Variants in ELAPOR2 observed in about 807,000 individuals in gnomAD.
ELAPOR2 encodes endosome/lysosome-associated apoptosis and autophagy regulator family member 2.
A neutral mutation model predicts 120.7 loss-of-function variants in ELAPOR2; 89 were observed. That is an observed-to-expected ratio of 0.74 (90% CI 0.62 to 0.88). ELAPOR2 has a LOEUF of 0.88. Among genes scored for constraint, ELAPOR2 ranks in the 40% least tolerant of loss-of-function variants. The probability of loss-of-function intolerance (pLI) is 0.00; values close to 1 mark genes in which losing one functional copy is unlikely to be tolerated. For missense variants in ELAPOR2, 1,134 were observed against 1,251.6 expected, an observed-to-expected ratio of 0.91 and a Z score of 1.42; for synonymous variants, 444 against 444.9, an observed-to-expected ratio of 1.00 and a Z score of 0.03.
chr7:87,009,985 C>T (rs1448881124), intron 1 of ELAPOR2, among the ~76,000 whole-genome samples: 7 of 151,280 alleles, frequency 4.6e-5, no homozygotes, highest in Non-Finnish European at 7.4e-5. Context: ...AAACTCATTA[C>T]GAAAGAAAGA....
chr7:86,895,673 T>C (rs1788405131), intron 19 of ELAPOR2, among the ~76,000 whole-genome samples: 1 of 152,084 alleles, frequency 6.6e-6, no homozygotes, highest in African/African-American at 2.4e-5. Flanking sequence ...TTGAATGAAA[T>C]AAAATTAGAG....
At chr7:86,909,762 T>G (rs779186316) in intron 16 of ELAPOR2, 50 bp downstream of exon 16, 1 of 1,423,842 alleles carries the variant, frequency 7.0e-7, no homozygotes, top group East Asian at 2.3e-5. Context: ...ATTCATAGCA[T>G]AATTTAAGAA....
intron 1 of ELAPOR2, among the ~76,000 whole-genome samples, chr7:87,041,759 C>T (rs1794795631): frequency 6.6e-6 from 1 of 151,652 alleles, no homozygotes; most frequent in Non-Finnish European, 1.5e-5. Context: ...TCACACATAA[C>T]AATATTAACT....
chr7:86,984,881 A>G (rs1792656702), intron 1 of ELAPOR2, among the ~76,000 whole-genome samples: 1 of 152,226 alleles, frequency 6.6e-6, no homozygotes, highest in Non-Finnish European at 1.5e-5. Flanking sequence ...CCTTCAAAAA[A>G]TCAATAAATC....
At chr7:86,919,098 T>A in intron 11 of ELAPOR2, 122 bp downstream of exon 11, 1 of 615,658 alleles carries the variant, frequency 1.6e-6, no homozygotes, top group Non-Finnish European at 2.8e-6. Flanking sequence ...TGTGACAGCT[T>A]GTTATTTACT....
rs1172400918 is a variant in ELAPOR2 at position 86,879,027 on chromosome 7, T to C, written c.*1444A>G. 2.0e-5 allele frequency: 3 copies of C among 152,178 alleles called. No individual in the cohort carries two copies. Among genetic ancestry groups the C allele is most frequent in the Non-Finnish European group, 4.4e-5 (3 of 68,010 alleles). 9.4% of individuals were successfully genotyped at this position (152,178 alleles called of 1,614,324 possible). ...ACAAAAGTTACAAGTCATACTTCAT[T>C]GGAATGCTTGGGGCAAATCATTTCC... On this transcript the variant is annotated 3_prime_UTR_variant, in exon 22 of 22. Coordinates refer to ENST00000450689, the MANE Select transcript of ELAPOR2 (RefSeq NM_001142749.3).
At chr7:86,946,140 A>T (rs1054687826) in intron 3 of ELAPOR2, among the ~76,000 whole-genome samples, 1 of 144,466 alleles carries the variant, frequency 6.9e-6, no homozygotes, top group South Asian at 2.1e-4. Context: ...TGCAAATTAA[A>T]ACAAAGGGAT....
chr7:86,919,046 A>G (rs192950481), intron 11 of ELAPOR2, among the ~76,000 whole-genome samples, 174 bp downstream of exon 11: 34 of 152,294 alleles, frequency 2.2e-4, no homozygotes, highest in Admixed American at 9.2e-4. Flanking sequence ...TAGTTTCTCA[A>G]TCACTACTTC....
At chr7:86,889,791 C>T (rs1288459942) in intron 21 of ELAPOR2, among the ~76,000 whole-genome samples, 1 of 151,944 alleles carries the variant, frequency 6.6e-6, no homozygotes, top group Non-Finnish European at 1.5e-5. Flanking sequence ...TGAAAATTTC[C>T]TTGTCCCCTT....
Position 86,897,396 on chromosome 7 carries a change from T to C in ELAPOR2, c.2685+110A>G, listed in dbSNP as rs1788484335. The C allele has an allele frequency of 6.8e-6, 9 of 1,322,534 alleles. No individual in the cohort carries two copies. In the Admixed American group the frequency reaches 9.4e-5, roughly 14 times the overall value. 81.9% of individuals were successfully genotyped at this position (1,322,534 alleles called of 1,614,324 possible). On this transcript the variant is annotated intron_variant, in intron 19 of 21. Coordinates refer to ENST00000450689, the MANE Select transcript of ELAPOR2 (RefSeq NM_001142749.3). ...ATTTTAAATGCCTACCAATGTAACATTAAGTTAAATACAAGCTTTTGCCAT... is the reference window on the plus strand; with the variant it reads ...ATTTTAAATGCCTACCAATGTAACACTAAGTTAAATACAAGCTTTTGCCAT...
intron 2 of ELAPOR2, among the ~76,000 whole-genome samples, chr7:86,950,163 T>A (rs963858985): frequency 1.3e-5 from 2 of 152,204 alleles, no homozygotes; most frequent in African/African-American, 4.8e-5. Context: ...ACACCCTGCT[T>A]ATGAAGAGGA....
chr7:86,973,500 C>A (rs887108418), intron 1 of ELAPOR2, among the ~76,000 whole-genome samples: 1 of 152,034 alleles, frequency 6.6e-6, no homozygotes, highest in East Asian at 1.9e-4. Context: ...TTTGCAGGAC[C>A]AAGGCCAGGA....
chr7:86,956,408 C>A (rs1236171339), intron 2 of ELAPOR2, among the ~76,000 whole-genome samples: 4 of 152,114 alleles, frequency 2.6e-5, no homozygotes, highest in Admixed American at 1.3e-4. Flanking sequence ...AAAAGTACTG[C>A]CTTTATATTT....
In ELAPOR2 at chr7:86,945,052, G is replaced by A; in HGVS notation, c.507-6C>T. ...CACGAGGGATCCAAGAAGAGCTGTG[G>A]AAACAAAACCAAGAAGCACTTTACA... On this transcript the variant is annotated splice_polypyrimidine_tract_variant and splice_region_variant and intron_variant, in intron 3 of 21. Coordinates refer to ENST00000450689, the MANE Select transcript of ELAPOR2 (RefSeq NM_001142749.3). The A allele has an allele frequency of 6.5e-7, 1 of 1,546,448 alleles. No individual in the cohort carries two copies. Among genetic ancestry groups the A allele is most frequent in the Non-Finnish European group, 8.7e-7 (1 of 1,145,564 alleles).
intron 1 of ELAPOR2, among the ~76,000 whole-genome samples, chr7:86,998,838 T>C (rs1321855024): frequency 7.0e-6 from 1 of 143,280 alleles, no homozygotes; most frequent in East Asian, 2.0e-4. Flanking sequence ...TAGAATTCCA[T>C]AAATAGTTCC....
rs185030742 is a variant in ELAPOR2 at position 86,914,563 on chromosome 7, T to G, written c.1731+160A>C. 2.9e-3 allele frequency among the ~76,000 whole-genome samples: 436 copies of G among 152,286 alleles called. 4 individuals carry two copies. Among genetic ancestry groups the G allele is most frequent in the Non-Finnish European group, 1.6e-3 (108 of 68,008 alleles). ...ATTCTTACTCTCAAAAAATAAAAAA[T>G]TATCATTTTATACCACTGAATCTAT... On this transcript the variant is annotated intron_variant, in intron 13 of 21. Transcript: ENST00000450689.
At chr7:87,039,466 C>A (rs1584029503) in intron 1 of ELAPOR2, among the ~76,000 whole-genome samples, 1 of 152,132 alleles carries the variant, frequency 6.6e-6, no homozygotes, top group South Asian at 2.1e-4. Context: ...AAAAAAACTA[C>A]AGGCCAATAT....
At chr7:86,898,065 A>G (rs1394324014) in intron 18 of ELAPOR2, among the ~76,000 whole-genome samples, 1 of 152,194 alleles carries the variant, frequency 6.6e-6, no homozygotes, top group Non-Finnish European at 1.5e-5. Flanking sequence ...AGCATTTTAT[A>G]TAATAACCAA....
At chr7:87,017,210 C>T (rs1291514682) in intron 1 of ELAPOR2, among the ~76,000 whole-genome samples, 1 of 152,194 alleles carries the variant, frequency 6.6e-6, no homozygotes, top group Non-Finnish European at 1.5e-5. Context: ...ATTAGATACA[C>T]TCCATTTTGG....
Sources: allele counts gnomAD v4.1 joint callset (sites outside exome capture counted in the v4.1 genomes callset), GRCh38; gene constraint gnomAD v4.1.1; transcripts MANE v1.5; gene names NCBI Gene and HGNC (gene_info 2026-07-23, HGNC 2026-07-21).